Variants in USP38 observed in about 807,000 individuals in gnomAD.
USP38 encodes ubiquitin specific peptidase 38, also known as ubiquitin carboxyl-terminal hydrolase 38.
Under a neutral mutation model 94.3 loss-of-function variants are expected in USP38, and 49 were observed. That is an observed-to-expected ratio of 0.52 (90% CI 0.41 to 0.66). USP38 has a LOEUF of 0.66. Among genes scored for constraint, USP38 ranks in the 30% least tolerant of loss-of-function variants. The pLI, the probability that USP38 is intolerant of heterozygous loss-of-function variation, is 0.00. For missense variants in USP38, 1,128 were observed against 1,229.4 expected (o/e 0.92, Z 1.23); for synonymous variants, 468 against 463.6 (o/e 1.01, Z -0.12).
rs151132640 is a variant in USP38, at chr4:143,214,686, T to A, written c.2710T>A (p.Leu904Met). 16 of 1,613,714 alleles carry A rather than the reference T, an allele frequency of 9.9e-6. No homozygotes were observed. The highest frequency in any genetic ancestry group is 1.4e-5 in the Non-Finnish European group (16 of 1,179,798). Residue 904 changes from leucine to methionine, a missense_variant, in exon 9 of 10, where the codon TTG (leucine) becomes ATG (methionine). Coordinates refer to ENST00000307017, the MANE Select transcript of USP38 (RefSeq NM_032557.6). ...TCCCAGTGCAGTTTTTGAACAGGAT[T>A]TGGAAAATAAGGAAATGTCAAAAGA... The part of the protein sequence containing the change: ...DSPSAVFEQD[L>M]ENKEMSKEWF...
rs187900808 is a variant in USP38, at chr4:143,221,977, A to G, written c.*1521A>G. 7.1e-4 allele frequency: 108 copies of G among 152,170 alleles called. No homozygotes were observed. The highest frequency in any genetic ancestry group is 2.6e-3 in the African/African-American group (106 of 41,540). The allele number at this position is 152,170 out of a possible 1,614,324, so 9.4% of individuals were successfully genotyped here. On this transcript the variant is annotated 3_prime_UTR_variant, in exon 10 of 10. Coordinates refer to ENST00000307017, the MANE Select transcript of USP38 (RefSeq NM_032557.6). ...TGAAGGTTCTCCTCCTTATAAATGA[A>G]TGAACCAGTTATCATGCTTTTCTGT...
At chr4:143,207,950 A>G (rs1338016541) in intron 6 of USP38, among the ~76,000 whole-genome samples, 1 of 152,176 alleles carries the variant, frequency 6.6e-6, no homozygotes, top group Non-Finnish European at 1.5e-5. Context: ...AATAAATTTT[A>G]TATAGAATAA....
In USP38 at chr4:143,223,487, CTTCAG is replaced by C. The variant is rs559281751; in HGVS notation, c.*3035_*3039del. Reference sequence around the variant, plus strand: ...AAGTTCAAATCTATAATTTTTTTCTCTTCAGTTCTGTTCTTTGTATGATAATCCTT... The same window carrying C: ...AAGTTCAAATCTATAATTTTTTTCTCTTCTGTTCTTTGTATGATAATCCTT... On this transcript the variant is annotated 3_prime_UTR_variant, in exon 10 of 10. Coordinates refer to ENST00000307017, the MANE Select transcript of USP38 (RefSeq NM_032557.6). The C allele has an allele frequency of 5.3e-5, 8 of 152,192 alleles. No homozygotes were observed. Among genetic ancestry groups the C allele is most frequent in the East Asian group, 3.9e-4 (2 of 5,186 alleles). 9.4% of individuals were successfully genotyped at this position (152,192 alleles called of 1,614,324 possible). A position where few individuals can be genotyped will look rare whatever the true frequency, so the allele number is the denominator to read the frequency against.
intron 2 of USP38, among the ~76,000 whole-genome samples, chr4:143,191,293 G>A (rs986841060): frequency 3.9e-5 from 6 of 152,086 alleles, no homozygotes; most frequent in Non-Finnish European, 8.8e-5. Flanking sequence ...AATAGGCCAG[G>A]TATAAGTGAA....
chr4:143,205,489 T>C (rs369741115), intron 5 of USP38, among the ~76,000 whole-genome samples: 16 of 152,200 alleles, frequency 1.1e-4, no homozygotes, highest in South Asian at 4.1e-4. Flanking sequence ...TGAGATTAAG[T>C]TTTATTTTTC....
intron 2 of USP38, among the ~76,000 whole-genome samples, chr4:143,192,520 T>C (rs1254694487): frequency 6.7e-6 from 1 of 149,492 alleles, no homozygotes; most frequent in Admixed American, 6.7e-5. Flanking sequence ...GATCTAACTT[T>C]AGGGAGTGTC....
chr4:143,201,821 T>C (rs1731723051), intron 4 of USP38, among the ~76,000 whole-genome samples: 1 of 152,142 alleles, frequency 6.6e-6, no homozygotes, highest in Admixed American at 6.6e-5. Flanking sequence ...TCAAGAAACA[T>C]TTAGTTTCAC....
At position 143,207,549 on chromosome 4, in the gene USP38, A is replaced by G. The variant is rs1052364300; in HGVS notation, c.1403+1323A>G. On this transcript the variant is annotated intron_variant, in intron 6 of 9. Transcript: ENST00000307017. Reference sequence around the variant, plus strand: ...TGAGACTCCATCTAAAAAAGAAAGAAAGAGAGAGAGAGAAGAATTTGCTTT... The same window carrying G: ...TGAGACTCCATCTAAAAAAGAAAGAGAGAGAGAGAGAGAAGAATTTGCTTT... 3.9e-5 allele frequency among the ~76,000 whole-genome samples: 6 copies of G among 152,104 alleles called. No homozygotes were observed. The East Asian group carries it at 5.8e-4, about 15-fold the overall frequency.
chr4:143,203,645 A>T, intron 5 of USP38, 79 bp downstream of exon 5: 2 of 1,432,188 alleles, frequency 1.4e-6, no homozygotes, highest in Non-Finnish European at 1.9e-6. Flanking sequence ...CAGCTACTCA[A>T]TTTACTATTT....
intron 2 of USP38, among the ~76,000 whole-genome samples, chr4:143,192,452 C>T (rs927688271): frequency 1.3e-4 from 19 of 151,732 alleles, no homozygotes; most frequent in Non-Finnish European, 2.9e-5. Context: ...GTGTGAGCCA[C>T]TGTGCCCGGC....
Position 143,197,811 on chromosome 4 carries a change from C to T in USP38, c.949-12C>T, listed in dbSNP as rs1429505261. 1 of 1,595,564 alleles carries T rather than the reference C, an allele frequency of 6.3e-7. No individual in the cohort carries two copies. The highest frequency in any genetic ancestry group is 2.2e-5 in the East Asian group (1 of 44,706). On this transcript the variant is annotated splice_polypyrimidine_tract_variant and intron_variant, in intron 3 of 9. Transcript: ENST00000307017. ...GCAAATTCTTAAGAAGGTGTCTTGTCTTATTTTGAAGGTTTTTAATCGACT... is the reference window on the plus strand; with the variant it reads ...GCAAATTCTTAAGAAGGTGTCTTGTTTTATTTTGAAGGTTTTTAATCGACT...
At position 143,214,213 on chromosome 4, in the gene USP38, A is replaced by T; in HGVS notation, c.2237A>T (p.Gln746Leu). 1.2e-6 allele frequency: 2 copies of T among 1,613,678 alleles called. No individual in the cohort carries two copies. Among genetic ancestry groups the T allele is most frequent in the Non-Finnish European group, 1.7e-6 (2 of 1,179,826 alleles). Residue 746 changes from glutamine to leucine, a missense_variant, in exon 9 of 10, where the codon CAA (glutamine) becomes CTA (leucine). Gln to Leu is a moderately radical substitution (Grantham distance 113). Coordinates refer to ENST00000307017, the MANE Select transcript of USP38 (RefSeq NM_032557.6). ...TATTGTGAAAACTGTGCCTCTCTGC[A>T]AAATGCTGAGAAAACTATGCAAATC... ...QYYCENCASL[Q>L]NAEKTMQITE...
At chr4:143,215,909 A>G (rs1009444049) in intron 9 of USP38, among the ~76,000 whole-genome samples, 5 of 152,252 alleles carry the variant, frequency 3.3e-5, no homozygotes, top group East Asian at 3.9e-4. Flanking sequence ...AGAAAATCAG[A>G]ATATTTGTTT....
chr4:143,208,569 A>G (rs1385702310), intron 6 of USP38, among the ~76,000 whole-genome samples: 1 of 152,120 alleles, frequency 6.6e-6, no homozygotes, highest in Non-Finnish European at 1.5e-5. Context: ...GCTGCTAATT[A>G]TAGAGTTTTT....
At chr4:143,201,191 C>A (rs1279338212) in intron 4 of USP38, among the ~76,000 whole-genome samples, 1 of 152,104 alleles carries the variant, frequency 6.6e-6, no homozygotes, top group Non-Finnish European at 1.5e-5. Flanking sequence ...GGCACATAGA[C>A]TAATGGAACA....
chr4:143,188,675 T>C (rs983704287), intron 2 of USP38, among the ~76,000 whole-genome samples: 2 of 152,116 alleles, frequency 1.3e-5, no homozygotes, highest in Non-Finnish European at 2.9e-5. Context: ...TATTCAGTCA[T>C]TCATTCATTT....
chr4:143,207,298 G>C (rs1731894908), intron 6 of USP38, among the ~76,000 whole-genome samples: 1 of 152,222 alleles, frequency 6.6e-6, no homozygotes, highest in South Asian at 2.1e-4. Flanking sequence ...CCAGCACTTT[G>C]GGAGGGTGAG....
At chr4:143,202,728 T>A (rs1226196011) in intron 4 of USP38, among the ~76,000 whole-genome samples, 1 of 152,162 alleles carries the variant, frequency 6.6e-6, no homozygotes, top group Non-Finnish European at 1.5e-5. Context: ...TTATGAGCAA[T>A]GATCATTTTA....
chr4:143,185,708 G>A lies in USP38; in HGVS notation c.258G>A (p.Leu86=). Reference sequence around the variant, plus strand: ...CCTTCTTCAACAAGACCTTCGTGTTGGGCCTCCTTCATCAGGGCTACCACT... The same window carrying A: ...CCTTCTTCAACAAGACCTTCGTGTTAGGCCTCCTTCATCAGGGCTACCACT... ...FESFFNKTFV[L]GLLHQGYHSL... The change falls in exon 1 of 10, where the codon TTG becomes TTA. Residue 86 remains leucine (L), a synonymous_variant. Transcript: ENST00000307017. The A allele has an allele frequency of 6.2e-7, 1 of 1,614,136 alleles. No individual in the cohort carries two copies. Among genetic ancestry groups the A allele is most frequent in the South Asian group, 1.1e-5 (1 of 91,076 alleles).
Sources: allele counts gnomAD v4.1 joint callset (sites outside exome capture counted in the v4.1 genomes callset), GRCh38; gene constraint gnomAD v4.1.1; transcripts MANE v1.5; gene names NCBI Gene and HGNC (gene_info 2026-07-23, HGNC 2026-07-21).